The following NRDE2 variants were observed in gnomAD, a reference collection of about 807,000 sequenced individuals.
NRDE2 encodes the protein NRDE-2, necessary for RNA interference, domain containing.
In NRDE2, 76 loss-of-function variants were observed where a neutral mutation model predicts 124.2. The observed-to-expected ratio is 0.61, with a 90% CI of 0.51 to 0.74. NRDE2 has a LOEUF of 0.74. Ranked by LOEUF, NRDE2 falls within the 30% of genes least tolerant of loss-of-function variation. The pLI is 0.00. For missense variants in NRDE2, 1,314 were observed against 1,417.3 expected, an observed-to-expected ratio of 0.93 and a Z score of 1.17; for synonymous variants, 489 against 528.1, an observed-to-expected ratio of 0.93 and a Z score of 1.01.
intron 8 of NRDE2, among the ~76,000 whole-genome samples, chr14:90,294,578 G>A (rs151327219): frequency 7.7e-4 from 117 of 152,308 alleles, no homozygotes; most frequent in Admixed American, 1.8e-3. Context: ...GAATCAGCCA[G>A]TCACAGGAGG....
Position 90,279,006 on chromosome 14 carries a change from G to A in NRDE2, c.3369+56C>T, listed in dbSNP as rs116650308. On this transcript the variant is annotated intron_variant, in intron 13 of 13. Coordinates refer to ENST00000354366, the MANE Select transcript of NRDE2 (RefSeq NM_017970.4). Reference sequence around the variant, plus strand: ...AGGCCGGGAAGACACTAGCTGGACGGAGACCTGGCGGGAAGTTTTCGGGAA... The same window carrying A: ...AGGCCGGGAAGACACTAGCTGGACGAAGACCTGGCGGGAAGTTTTCGGGAA... The A allele has an allele frequency of 1.2e-3, 1,502 of 1,251,212 alleles. 16 individuals are homozygous for A. The African/African-American group carries it at 0.02, about 17-fold the overall frequency. The allele number at this position is 1,251,212 out of a possible 1,614,324, so 77.5% of individuals were successfully genotyped here.
chr14:90,289,202 C>A, intron 10 of NRDE2, 57 bp from the exon 11 acceptor site: 4 of 1,410,022 alleles, frequency 2.8e-6, no homozygotes, highest in Non-Finnish European at 1.9e-6. Context: ...GCGTCCTCTG[C>A]TGCCAACTGT....
chr14:90,321,011 C>T (rs574854288), intron 1 of NRDE2, among the ~76,000 whole-genome samples: 2 of 152,222 alleles, frequency 1.3e-5, no homozygotes, highest in East Asian at 3.9e-4. Flanking sequence ...GTTCCTGTTG[C>T]TCACTGAGAT....
chr14:90,299,776 T>C (rs978649380), intron 7 of NRDE2, among the ~76,000 whole-genome samples: 6 of 152,158 alleles, frequency 3.9e-5, no homozygotes, highest in Non-Finnish European at 8.8e-5. Flanking sequence ...CTGGCTCTTG[T>C]AAGAGTGAAG....
chr14:90,278,998 G>A (rs970074420), intron 13 of NRDE2, 64 bp downstream of exon 13: 26 of 1,166,674 alleles, frequency 2.2e-5, no homozygotes, highest in African/African-American at 7.5e-5. Flanking sequence ...GAAGACACTA[G>A]CTGGACGGAG....
rs142973720 is a variant in NRDE2 at position 90,312,404 on chromosome 14, C to A, written c.547G>T (p.Asp183Tyr). The change falls in exon 4 of 14, where the codon GAT becomes TAT. Residue 183 changes from aspartate (D) to tyrosine (Y), a missense_variant. Physicochemically the swap from Asp to Tyr is radical, Grantham distance 160 (BLOSUM62 -3). Transcript: ENST00000354366. ...AAACAAGGTGACTACCTTGCTATAT[C>A]CCCTCGGTAGAGAGACTTGTACTCC... ...NWEYKSLYRG[D>Y]IARYKRKGDS... 6.2e-7 allele frequency: 1 copy of A among 1,613,638 alleles called. No individual in the cohort carries two copies. The highest frequency in any genetic ancestry group is 8.5e-7 in the Non-Finnish European group (1 of 1,179,912).
At chr14:90,309,249 C>T (rs538003678) in intron 4 of NRDE2, among the ~76,000 whole-genome samples, 17 of 151,206 alleles carry the variant, frequency 1.1e-4, no homozygotes, top group Non-Finnish European at 1.6e-4. Flanking sequence ...AAATCCAAAG[C>T]GCCAGGCAAT....
In NRDE2 at chr14:90,304,093, G is replaced by A; in HGVS notation, c.847C>T (p.Leu283=). The change falls in exon 5 of 14, where the codon CTA becomes TTA. Residue 283 remains leucine, a synonymous_variant. Transcript: ENST00000354366. ...TGCTCTGGAGGACCCTGTCCTTGTA[G>A]CCAATGTGTGGTTGACTGATCATAA... ...GIYDQSTTHW[L]QGQGPPEQES... is the part of the protein sequence containing the mutation. 2 of 1,614,192 alleles carry A rather than the reference G, an allele frequency of 1.2e-6. No homozygotes were observed. The highest frequency in any genetic ancestry group is 1.7e-6 in the Non-Finnish European group (2 of 1,180,052).
At chr14:90,298,712 G>A (rs112004990) in intron 7 of NRDE2, among the ~76,000 whole-genome samples, 2,350 of 152,262 alleles carry the variant, frequency 0.015, 29 homozygotes, top group Non-Finnish European at 0.025. Flanking sequence ...AAGACCAGCT[G>A]AGGTTCAGCA....
chr14:90,293,609 G>C (rs1006408328), intron 8 of NRDE2, among the ~76,000 whole-genome samples: 1 of 152,132 alleles, frequency 6.6e-6, no homozygotes, highest in Admixed American at 6.6e-5. Context: ...TACTGTATTA[G>C]ACAACACAGT....
Position 90,278,385 on chromosome 14 carries a change from A to G in NRDE2, c.3446T>C (p.Leu1149Pro). The change falls in exon 14 of 14, where the codon CTC (leucine) becomes CCC (proline). Residue 1149 changes from leucine to proline, a missense_variant. Physicochemically the swap from Leu to Pro is moderately conservative, Grantham distance 98. Transcript: ENST00000354366. The stretch of plus-strand genomic sequence containing the variant: ...CTCCTCCAGCGGCAGGCGCACCCGG[A>G]GCTCCTTCTCAGTCATCAGGTCCAG... The part of the protein sequence containing the change: ...EILDLMTEKE[L>P]RVRLPLEELE... 6.2e-7 allele frequency: 1 copy of G among 1,614,062 alleles called. No individual in the cohort carries two copies. Among genetic ancestry groups the G allele is most frequent in the Non-Finnish European group, 8.5e-7 (1 of 1,180,008 alleles).
At chr14:90,294,675 G>C (rs1428566445) in intron 8 of NRDE2, among the ~76,000 whole-genome samples, 4 of 152,110 alleles carry the variant, frequency 2.6e-5, no homozygotes, top group Non-Finnish European at 2.9e-5. Context: ...CTGGGGCCTG[G>C]GGGGAGGGAG....
chr14:90,298,449 G>A (rs187522373), intron 7 of NRDE2, 69 bp from the exon 8 acceptor site: 270 of 1,502,920 alleles, frequency 1.8e-4, no homozygotes, highest in South Asian at 1.0e-3. Flanking sequence ...GGCAAAATCC[G>A]CGCTGGTGGA....
Position 90,275,634 on chromosome 14 carries a change from C to G in NRDE2, c.*2702G>C, listed in dbSNP as rs995193432. The G allele has an allele frequency of 1.3e-5, 2 of 152,238 alleles. No homozygotes were observed. The highest frequency in any genetic ancestry group is 4.8e-5 in the African/African-American group (2 of 41,442). 9.4% of individuals were successfully genotyped at this position (152,238 alleles called of 1,614,324 possible). On this transcript the variant is annotated 3_prime_UTR_variant, in exon 14 of 14. Transcript: ENST00000354366. ...AATGCTGAAATTACCGTTTCGGCAG[C>G]TGGTCACTGAGGCCTGCGGTGCCAA...
At chr14:90,283,767 T>G (rs1249737663) in intron 12 of NRDE2, among the ~76,000 whole-genome samples, 1 of 151,298 alleles carries the variant, frequency 6.6e-6, no homozygotes, top group African/African-American at 2.4e-5. Context: ...TGGAGTACAG[T>G]GGCGCAATCT....
chr14:90,294,154 T>A (rs1363360072), intron 8 of NRDE2, among the ~76,000 whole-genome samples: 1 of 152,058 alleles, frequency 6.6e-6, no homozygotes, highest in Non-Finnish European at 1.5e-5. Flanking sequence ...TTTGTAGGTA[T>A]CTCAGGGAAG....
chr14:90,276,032 C>T lies in NRDE2; in HGVS notation c.*2304G>A, dbSNP rs1460003771. On this transcript the variant is annotated 3_prime_UTR_variant, in exon 14 of 14. Transcript: ENST00000354366. ...ACACTGTCCCAAACCCGAGGTGGGC[C>T]GACCCCTGTGGTCTGATGTGATCAG... 1.5e-4 allele frequency: 23 copies of T among 152,118 alleles called. No homozygotes were observed. Among genetic ancestry groups the T allele is most frequent in the Admixed American group, 1.4e-3 (22 of 15,268 alleles). 9.4% of individuals were successfully genotyped at this position (152,118 alleles called of 1,614,324 possible). A position where few individuals can be genotyped will look rare whatever the true frequency, so the allele number is the denominator to read the frequency against.
intron 1 of NRDE2, among the ~76,000 whole-genome samples, chr14:90,330,895 G>A (rs183791348): frequency 1.3e-5 from 2 of 151,262 alleles, no homozygotes; most frequent in South Asian, 2.1e-4. Flanking sequence ...ACTCAATTGC[G>A]CCCTGTCACA....
Position 90,271,924 on chromosome 14 carries a change from C to T in NRDE2, c.*6412G>A, listed in dbSNP as rs545173940. On this transcript the variant is annotated 3_prime_UTR_variant, in exon 14 of 14. Transcript: ENST00000354366. ...TTTTTTTTTTTTTGAGGTAGAGTTT[C>T]GCTCGTTGCTCAGGCTAGAGTGCAG... The T allele has an allele frequency of 3.5e-4, 50 of 140,946 alleles. No individual in the cohort carries two copies. The highest frequency in any genetic ancestry group is 2.1e-3 in the South Asian group (10 of 4,744). 8.7% of individuals were successfully genotyped at this position (140,946 alleles called of 1,614,324 possible).
Sources: gnomAD v4.1 joint callset for allele counts (sites outside exome capture counted in the v4.1 genomes callset) on GRCh38, gnomAD v4.1.1 for gene constraint, MANE v1.5 for transcripts, NCBI Gene and HGNC (gene_info 2026-07-23, HGNC 2026-07-21) for gene names.